Variants in PLPP4 observed in about 807,000 individuals in gnomAD.
PLPP4 encodes phospholipid phosphatase 4.
A neutral mutation model predicts 32.2 loss-of-function variants in PLPP4; 20 were observed. The observed-to-expected ratio is 0.62, with a 90% CI of 0.44 to 0.90. The LOEUF (loss-of-function observed/expected upper bound fraction) is 0.90. Ranked by LOEUF, PLPP4 falls within the 40% of genes least tolerant of loss-of-function variation. The pLI, the probability that PLPP4 is intolerant of heterozygous loss-of-function variation, is 0.00. For missense variants in PLPP4, 257 were observed against 353.1 expected (o/e 0.73, Z 2.18); for synonymous variants, 127 against 133.0 (o/e 0.95, Z 0.31).
rs1849986709 is a variant in PLPP4 at position 120,591,331 on chromosome 10, C to A, written c.*1829C>A. 6.6e-6 allele frequency among the ~76,000 whole-genome samples: 1 copy of A among 152,106 alleles called. No homozygotes were observed. Among genetic ancestry groups the A allele is most frequent in the Non-Finnish European group, 1.5e-5 (1 of 68,014 alleles). On this transcript the variant is annotated 3_prime_UTR_variant, in exon 7 of 7. Transcript: ENST00000398250. ...TTTGGCACGGTCATGTGATTGTCCC[C>A]TGGATGGAGTGGGAGAGGGGGAGGC...
chr10:120,513,949 G>A lies in PLPP4; in HGVS notation c.204G>A (p.Val68=). ...TCACACCCCTGGCTGTTATTTGTGT[G>A]GTGAAAATTATCCGGCGAACAGACA... ...SFLTPLAVIC[V]VKIIRRTDKT... The change falls in exon 3 of 7, where the codon GTG becomes GTA. Residue 68 remains valine (V), a synonymous_variant. Transcript: ENST00000398250. 3.1e-6 allele frequency: 5 copies of A among 1,613,962 alleles called. No individual in the cohort carries two copies. The South Asian group carries it at 4.4e-5, about 14-fold the overall frequency.
At chr10:120,500,216 T>TA (rs1845177554) in intron 1 of PLPP4, among the ~76,000 whole-genome samples, 1 of 152,048 alleles carries the variant, frequency 6.6e-6, no homozygotes, top group Non-Finnish European at 1.5e-5. Flanking sequence ...GCCACGAGGA[T>TA]AATAAAACCT....
chr10:120,561,759 G>C (rs960744042), intron 5 of PLPP4, among the ~76,000 whole-genome samples: 3 of 152,186 alleles, frequency 2.0e-5, no homozygotes, highest in Non-Finnish European at 2.9e-5. Flanking sequence ...AAGAGAGCAT[G>C]GAGAATCACT....
At chr10:120,574,173 CT>C (rs1849094200) in intron 5 of PLPP4, among the ~76,000 whole-genome samples, 1 of 42,948 alleles carries the variant, frequency 2.3e-5, no homozygotes, top group African/African-American at 1.3e-4. Context: ...CACACACTCT[CT>C]CTCTCTCTCT....
At chr10:120,586,725 C>T (rs891322646) in intron 6 of PLPP4, among the ~76,000 whole-genome samples, 1 of 152,186 alleles carries the variant, frequency 6.6e-6, no homozygotes, top group Non-Finnish European at 1.5e-5. Context: ...CTGAAGGAAT[C>T]AACAGCCAAC....
chr10:120,564,495 C>A (rs1848595625), intron 5 of PLPP4, among the ~76,000 whole-genome samples: 2 of 151,788 alleles, frequency 1.3e-5, no homozygotes, highest in African/African-American at 4.8e-5. Context: ...ATTTGGTGTT[C>A]AGATCTTATA....
intron 1 of PLPP4, among the ~76,000 whole-genome samples, chr10:120,480,909 G>A (rs1271506159): frequency 6.6e-6 from 1 of 152,222 alleles, no homozygotes; most frequent in Non-Finnish European, 1.5e-5. Flanking sequence ...TCAAGGCACA[G>A]CAAGTTAGGC....
chr10:120,508,161 A>C (rs762920713), intron 2 of PLPP4, among the ~76,000 whole-genome samples: 9 of 152,196 alleles, frequency 5.9e-5, no homozygotes, highest in Non-Finnish European at 1.3e-4. Flanking sequence ...CTTCTAAGGA[A>C]GGCAGAAATA....
chr10:120,463,258 C>T (rs550171841), intron 1 of PLPP4, among the ~76,000 whole-genome samples: 40 of 152,214 alleles, frequency 2.6e-4, no homozygotes, highest in Admixed American at 1.4e-3. Context: ...GATCTCCTGA[C>T]CTCGTGATCT....
intron 5 of PLPP4, among the ~76,000 whole-genome samples, chr10:120,551,766 T>G (rs1212925270): frequency 6.6e-6 from 1 of 152,178 alleles, no homozygotes; most frequent in Non-Finnish European, 1.5e-5. Flanking sequence ...CTATGTTTAT[T>G]GAGGTCTTGC....
intron 1 of PLPP4, among the ~76,000 whole-genome samples, chr10:120,463,055 ACT>A (rs1848136478): frequency 8.4e-6 from 1 of 118,822 alleles, no homozygotes; most frequent in Non-Finnish European, 1.6e-5. Context: ...ACGGAGTCTC[ACT>A]CTGTCACCCA....
chr10:120,553,526 T>A (rs1017899754), intron 5 of PLPP4, among the ~76,000 whole-genome samples: 4 of 152,238 alleles, frequency 2.6e-5, no homozygotes, highest in African/African-American at 9.6e-5. Flanking sequence ...TTTTGTTGTT[T>A]ATAAAGTACC....
At chr10:120,540,330 A>G (rs1026004204) in intron 5 of PLPP4, among the ~76,000 whole-genome samples, 2 of 152,188 alleles carry the variant, frequency 1.3e-5, no homozygotes, top group East Asian at 1.9e-4. Context: ...TTGTCACAAT[A>G]TCTTTGGTAA....
Position 120,589,570 on chromosome 10 carries a change from G to A in PLPP4, c.*68G>A. ...GCCACCCTGACATCATAACACAATA[G>A]AAATGGTTTTCTGTAGTGTATTTTT... On this transcript the variant is annotated 3_prime_UTR_variant, in exon 7 of 7. Coordinates refer to ENST00000398250, the MANE Select transcript of PLPP4 (RefSeq NM_001030059.3). The A allele has an allele frequency of 2.4e-6, 3 of 1,261,374 alleles. No individual in the cohort carries two copies. Among genetic ancestry groups the A allele is most frequent in the Non-Finnish European group, 3.4e-6 (3 of 894,448 alleles). The allele number at this position is 1,261,374 out of a possible 1,614,324, so 78.1% of individuals were successfully genotyped here.
rs1000550692 is a variant in PLPP4 at position 120,508,496 on chromosome 10, C to T, written c.165+4570C>T. Among the ~76,000 whole-genome samples, 15 of 152,300 alleles carry T rather than the reference C, an allele frequency of 9.8e-5. No individual in the cohort carries two copies. The South Asian group carries it at 3.1e-3, about 32-fold the overall frequency. ...GCATCGAGGCTGCTCTGGCTTCGAT[C>T]CCTTCTGGTTGTTAGAAGTCCTTGG... On this transcript the variant is annotated intron_variant, in intron 2 of 6. Transcript: ENST00000398250.
rs902254119 is a variant in PLPP4, at chr10:120,591,357, T to A, written c.*1855T>A. Among the ~76,000 whole-genome samples the A allele has an allele frequency of 6.6e-6, 1 of 152,150 alleles. No individual in the cohort carries two copies. Among genetic ancestry groups the A allele is most frequent in the East Asian group, 1.9e-4 (1 of 5,192 alleles). On this transcript the variant is annotated 3_prime_UTR_variant, in exon 7 of 7. Transcript: ENST00000398250. ...TGGATGGAGTGGGAGAGGGGGAGGC[T>A]TGAATTGACTTTCATCCAAAGTCAA...
At chr10:120,531,245 A>G (rs774086194) in intron 5 of PLPP4, among the ~76,000 whole-genome samples, 13 of 151,964 alleles carry the variant, frequency 8.6e-5, no homozygotes, top group Non-Finnish European at 1.6e-4. Flanking sequence ...AGCTGGGACT[A>G]CAGGCACGTG....
intron 6 of PLPP4, among the ~76,000 whole-genome samples, chr10:120,585,283 C>T (rs1322990059): frequency 6.6e-6 from 1 of 152,214 alleles, no homozygotes; most frequent in Non-Finnish European, 1.5e-5. Flanking sequence ...GTTAATTACA[C>T]CCTGTGGCCC....
intron 1 of PLPP4, among the ~76,000 whole-genome samples, chr10:120,463,152 C>CA (rs1277625045): frequency 6.6e-6 from 1 of 151,254 alleles, no homozygotes; most frequent in Non-Finnish European, 1.5e-5. Context: ...CTCAGCCTCC[C>CA]AGTAGCTGGG....
Sources: allele counts gnomAD v4.1 joint callset (sites outside exome capture counted in the v4.1 genomes callset), GRCh38; gene constraint gnomAD v4.1.1; transcripts MANE v1.5; gene names NCBI Gene and HGNC (gene_info 2026-07-23, HGNC 2026-07-21).